EYA1: variants seen among roughly 807,000 people sequenced by gnomAD.
The protein encoded by EYA1 is protein phosphatase EYA1.
Under a neutral mutation model 82.0 loss-of-function variants are expected in EYA1, and 16 were observed. The observed-to-expected ratio is 0.20, with a 90% CI of 0.13 to 0.30. EYA1 has a LOEUF of 0.30. EYA1 is among the 10% of genes least tolerant of loss of function. The pLI is 1.00. For synonymous variants in EYA1, 261 were observed against 264.4 expected, an observed-to-expected ratio of 0.99 and a Z score of 0.12; for missense variants, 633 against 730.7, an observed-to-expected ratio of 0.87 and a Z score of 1.54.
chr8:71,474,218 G>C lies in EYA1; in HGVS notation c.33+61526C>G, dbSNP rs531471845. ...AAAATTAAAAAAAAAAAAAAAAGAA[G>C]ATGAAGAAGAAAGAAAAAGGGAGAA... On this transcript the variant is annotated intron_variant, in intron 2 of 18. Transcript: ENST00000643681. Among the ~76,000 whole-genome samples the C allele has an allele frequency of 3.5e-5, 5 of 144,588 alleles. No homozygotes were observed. The South Asian group carries it at 1.1e-3, about 31-fold the overall frequency. The allele number at this position is 144,588 out of a possible 152,430, so 94.9% of individuals were successfully genotyped here. A position where few individuals can be genotyped will look rare whatever the true frequency, so the allele number is the denominator to read the frequency against.
chr8:71,295,492 T>C (rs1819499416), intron 9 of EYA1, among the ~76,000 whole-genome samples: 1 of 152,122 alleles, frequency 6.6e-6, no homozygotes, highest in East Asian at 1.9e-4. Flanking sequence ...ACATCATATG[T>C]CATTAGGAAA....
intron 2 of EYA1, among the ~76,000 whole-genome samples, chr8:71,498,335 A>G (rs1229468454): frequency 6.6e-6 from 1 of 152,218 alleles, no homozygotes; most frequent in African/African-American, 2.4e-5. Context: ...TTATCTACCA[A>G]TTTTAAAAAA....
chr8:71,423,575 A>AT (rs1331144535), intron 2 of EYA1, among the ~76,000 whole-genome samples: 1 of 152,116 alleles, frequency 6.6e-6, no homozygotes, highest in Non-Finnish European at 1.5e-5. Context: ...TAATAACCCC[A>AT]TTTTCTTCAT....
Position 71,361,695 on chromosome 8 carries a change from T to A in EYA1, c.-103A>T, listed in dbSNP as rs578126749. On this transcript the variant is annotated 5_prime_UTR_variant, in exon 1 of 18. Coordinates refer to ENST00000340726, the MANE Select transcript of EYA1 (RefSeq NM_000503.6). ...CCAGTTTAATGTGTTCCTTCGAATT[T>A]TCTGGGTTAGCAAACCTCCATTCCT... 96 of 985,508 alleles carry A rather than the reference T, an allele frequency of 9.7e-5. No homozygotes were observed. The African/African-American group carries it at 1.6e-3, about 16-fold the overall frequency. The allele number at this position is 985,508 out of a possible 1,614,324, so 61.0% of individuals were successfully genotyped here.
intron 7 of EYA1, among the ~76,000 whole-genome samples, chr8:71,306,721 G>A (rs1820780070): frequency 6.6e-6 from 1 of 152,078 alleles, no homozygotes; most frequent in Admixed American, 6.6e-5. Context: ...AGTCTCATCT[G>A]TCCAATAAGC....
At chr8:71,393,395 G>A (rs1306772599) in intron 2 of EYA1, among the ~76,000 whole-genome samples, 4 of 151,780 alleles carry the variant, frequency 2.6e-5, no homozygotes, top group Non-Finnish European at 4.4e-5. Flanking sequence ...TGCTGCACCC[G>A]TTAACTCCTC....
intron 2 of EYA1, among the ~76,000 whole-genome samples, chr8:71,408,320 A>G (rs1235070923): frequency 6.6e-6 from 1 of 151,902 alleles, no homozygotes; most frequent in Non-Finnish European, 1.5e-5. Context: ...TCAACTAACG[A>G]GCAAAAACAC....
At chr8:71,440,185 A>G (rs1166787593) in intron 2 of EYA1, among the ~76,000 whole-genome samples, 1 of 152,164 alleles carries the variant, frequency 6.6e-6, no homozygotes, top group Non-Finnish European at 1.5e-5. Context: ...CTCTGGCTGG[A>G]GTCAGAAGAT....
chr8:71,258,926 TA>T (rs1814769053), intron 11 of EYA1, among the ~76,000 whole-genome samples: 1 of 152,122 alleles, frequency 6.6e-6, no homozygotes, highest in Non-Finnish European at 1.5e-5. Context: ...GGAGAAGAGG[TA>T]AAATCTAATT....
At chr8:71,350,512 T>C (rs1826197031) in intron 3 of EYA1, among the ~76,000 whole-genome samples, 1 of 152,192 alleles carries the variant, frequency 6.6e-6, no homozygotes, top group African/African-American at 2.4e-5. Flanking sequence ...TGTTCCCACC[T>C]TGGAAATCTG....
chr8:71,338,063 C>G (rs1445402), intron 3 of EYA1, among the ~76,000 whole-genome samples: 1 of 152,112 alleles, frequency 6.6e-6, no homozygotes. Flanking sequence ...TGTCTCTTTA[C>G]GACAAATCAA....
chr8:71,523,173 CTTTTTCTT>C (rs1403485389), intron 2 of EYA1, among the ~76,000 whole-genome samples: 2 of 110,826 alleles, frequency 1.8e-5, no homozygotes, highest in African/African-American at 7.4e-5. Context: ...TTTCTTTTTT[CTTTTTCTT>C]TTTTTTTTTT....
At chr8:71,204,643 G>C (rs977588847) in intron 17 of EYA1, among the ~76,000 whole-genome samples, 3 of 152,174 alleles carry the variant, frequency 2.0e-5, no homozygotes, top group Admixed American at 6.5e-5. Context: ...TAACTGCCAG[G>C]ATGAATTAAC....
intron 2 of EYA1, among the ~76,000 whole-genome samples, chr8:71,429,307 A>T (rs1178263339): frequency 6.6e-6 from 1 of 152,194 alleles, no homozygotes; most frequent in Non-Finnish European, 1.5e-5. Context: ...AACAAAAATC[A>T]CTTTCATTTT....
At chr8:71,372,305 C>A (rs191859332) in intron 2 of EYA1, among the ~76,000 whole-genome samples, 29 of 152,206 alleles carry the variant, frequency 1.9e-4, no homozygotes, top group African/African-American at 7.0e-4. Context: ...TCCTAGATGA[C>A]AAATAATTCC....
chr8:71,321,089 T>A (rs1822484937), intron 6 of EYA1, among the ~76,000 whole-genome samples: 1 of 152,186 alleles, frequency 6.6e-6, no homozygotes, highest in South Asian at 2.1e-4. Flanking sequence ...TGGGATTTTG[T>A]TGGATTTATT....
chr8:71,244,517 A>G, intron 12 of EYA1, 86 bp downstream of exon 12: 11 of 754,756 alleles, frequency 1.5e-5, no homozygotes, highest in Non-Finnish European at 2.3e-6. Context: ...CCAATTATAC[A>G]TTAAAAAATA....
At chr8:71,513,999 G>A (rs1812788342) in intron 2 of EYA1, among the ~76,000 whole-genome samples, 1 of 152,058 alleles carries the variant, frequency 6.6e-6, no homozygotes, top group Non-Finnish European at 1.5e-5. Flanking sequence ...ACTCCACTGT[G>A]TATATGTACC....
chr8:71,214,564 A>AG (rs1168900824), intron 16 of EYA1, among the ~76,000 whole-genome samples: 1 of 152,228 alleles, frequency 6.6e-6, no homozygotes, highest in Admixed American at 6.5e-5. Context: ...GGATACAGCA[A>AG]GGGGTCTGGA....
Sources: gnomAD v4.1 joint callset for allele counts (sites outside exome capture counted in the v4.1 genomes callset) on GRCh38, gnomAD v4.1.1 for gene constraint, MANE v1.5 for transcripts, NCBI Gene and HGNC (gene_info 2026-07-23, HGNC 2026-07-21) for gene names.